ARHGAP24: variants seen among roughly 807,000 people sequenced by gnomAD.
The protein encoded by ARHGAP24 is rho GTPase-activating protein 24.
A neutral mutation model predicts 76.4 loss-of-function variants in ARHGAP24; 50 were observed. That is an observed-to-expected ratio of 0.65 (90% CI 0.52 to 0.83). The LOEUF (loss-of-function observed/expected upper bound fraction) is 0.83, where lower values mean the gene tolerates loss of function less well. Ranked by LOEUF, ARHGAP24 falls within the 40% of genes least tolerant of loss-of-function variation. ARHGAP24 has a pLI of 0.00. For missense variants in ARHGAP24, 930 were observed against 914.2 expected (o/e 1.02, Z -0.22); for synonymous variants, 345 against 323.3 (o/e 1.07, Z -0.72).
At chr4:85,575,852 T>G (rs1727348148) in intron 2 of ARHGAP24, among the ~76,000 whole-genome samples, 1 of 152,210 alleles carries the variant, frequency 6.6e-6, no homozygotes, top group African/African-American at 2.4e-5. Context: ...GACATACCCC[T>G]GTGCTAGAAT....
rs1740602143 is a variant in ARHGAP24 at position 85,995,421 on chromosome 4, G to A, written c.1767G>A (p.Glu589=). 4 of 1,612,414 alleles carry A rather than the reference G, an allele frequency of 2.5e-6. No homozygotes were observed. The highest frequency in any genetic ancestry group is 3.4e-6 in the Non-Finnish European group (4 of 1,178,684). Residue 589 remains glutamate, a synonymous_variant, in exon 9 of 10, where the codon GAG becomes GAA. Transcript: ENST00000395184. The part of the protein sequence containing the change: ...PEQDFFGGNF[E]DPVLDGPPQD... ...AAGACTTTTTTGGGGGGAACTTTGAGGACCCTGTTTTGGATGGGCCCCCGC... is the reference window on the plus strand; with the variant it reads ...AAGACTTTTTTGGGGGGAACTTTGAAGACCCTGTTTTGGATGGGCCCCCGC...
At chr4:85,651,795 TG>T (rs59242025) in intron 2 of ARHGAP24, among the ~76,000 whole-genome samples, 56,689 of 147,944 alleles carry the variant, frequency 0.38, 12,498 homozygotes, top group East Asian at 0.84. Flanking sequence ...ATTAAATTAA[TG>T]ATTTCCTCTT....
chr4:85,896,040 A>G (rs1734161330), intron 3 of ARHGAP24, among the ~76,000 whole-genome samples: 1 of 152,228 alleles, frequency 6.6e-6, no homozygotes, highest in East Asian at 1.9e-4. Flanking sequence ...AAGAATAATT[A>G]CTTTATTGAA....
Position 85,525,205 on chromosome 4 carries a change from T to C in ARHGAP24, c.-20-45317T>C, listed in dbSNP as rs141836930. ...CAAAAATTAATTGGACTTTTCTGTTTAGATGTGTTTTTGCTAATAGTTTCA... is the reference window on the plus strand; with the variant it reads ...CAAAAATTAATTGGACTTTTCTGTTCAGATGTGTTTTTGCTAATAGTTTCA... On this transcript the variant is annotated intron_variant, in intron 1 of 9. Coordinates refer to ENST00000395184, the MANE Select transcript of ARHGAP24 (RefSeq NM_001025616.3). Among the ~76,000 whole-genome samples the C allele has an allele frequency of 2.3e-3, 345 of 151,832 alleles. 5 individuals carry two copies. Among genetic ancestry groups the C allele is most frequent in the Non-Finnish European group, 3.2e-4 (22 of 67,966 alleles).
intron 3 of ARHGAP24, among the ~76,000 whole-genome samples, chr4:85,845,969 G>A (rs1486531815): frequency 6.6e-6 from 1 of 151,866 alleles, no homozygotes; most frequent in African/African-American, 2.4e-5. Flanking sequence ...GCAATGGCGC[G>A]ATCTCGGCTC....
chr4:85,632,495 AT>A, intron 2 of ARHGAP24, among the ~76,000 whole-genome samples: 1 of 151,774 alleles, frequency 6.6e-6, no homozygotes, highest in East Asian at 1.9e-4. Context: ...ATTTCATTGG[AT>A]TTTATATAAT....
intron 2 of ARHGAP24, among the ~76,000 whole-genome samples, chr4:85,709,736 G>A (rs1421861414): frequency 6.6e-6 from 1 of 152,078 alleles, no homozygotes. Context: ...ACCAACAACT[G>A]TCAAGACACA....
chr4:85,576,038 C>G (rs1349041215), intron 2 of ARHGAP24, among the ~76,000 whole-genome samples: 1 of 152,164 alleles, frequency 6.6e-6, no homozygotes. Context: ...TATATTAGAT[C>G]ACAATGGATT....
chr4:85,995,760 AG>A, intron 9 of ARHGAP24, 103 bp downstream of exon 9: 1 of 1,141,146 alleles, frequency 8.8e-7, no homozygotes, highest in South Asian at 1.3e-5. Flanking sequence ...CCAAAGTCAA[AG>A]AAACACAAGT....
intron 1 of ARHGAP24, among the ~76,000 whole-genome samples, chr4:85,486,371 GGTCC>G (rs1246098913): frequency 6.6e-6 from 1 of 152,000 alleles, no homozygotes; most frequent in Non-Finnish European, 1.5e-5. Context: ...TGTGTATGAT[GGTCC>G]GTCACTACAA....
chr4:85,962,873 A>T (rs758364453), intron 5 of ARHGAP24, among the ~76,000 whole-genome samples: 42 of 151,822 alleles, frequency 2.8e-4, no homozygotes, highest in Non-Finnish European at 5.2e-4. Context: ...ACAATTAAAA[A>T]TCAATGTAAT....
At chr4:85,901,214 TA>T (rs1453400717) in intron 3 of ARHGAP24, among the ~76,000 whole-genome samples, 2 of 152,134 alleles carry the variant, frequency 1.3e-5, no homozygotes, top group East Asian at 3.9e-4. Context: ...TAGAAAAAAA[TA>T]AGAAAAACAA....
At chr4:85,533,440 T>C (rs1432233964) in intron 1 of ARHGAP24, among the ~76,000 whole-genome samples, 1 of 152,200 alleles carries the variant, frequency 6.6e-6, no homozygotes, top group Non-Finnish European at 1.5e-5. Context: ...ATTGTCTTTA[T>C]AGTCTATTTT....
At chr4:85,638,655 T>G (rs1721411361) in intron 2 of ARHGAP24, among the ~76,000 whole-genome samples, 1 of 152,082 alleles carries the variant, frequency 6.6e-6, no homozygotes, top group African/African-American at 2.4e-5. Context: ...TTGGGCACCT[T>G]ATCAGGCTGG....
intron 2 of ARHGAP24, among the ~76,000 whole-genome samples, chr4:85,673,818 C>CT (rs397978442): frequency 2.4e-3 from 2 of 834 alleles, no homozygotes; most frequent in African/African-American, 0.016. Flanking sequence ...ACTGCCAGGG[C>CT]GTATTTTCAG....
intron 4 of ARHGAP24, among the ~76,000 whole-genome samples, chr4:85,926,125 A>G (rs893656989): frequency 6.6e-6 from 1 of 152,144 alleles, no homozygotes; most frequent in Non-Finnish European, 1.5e-5. Flanking sequence ...GAAATCTCAG[A>G]AATAATTCCA....
At chr4:85,850,101 T>TA (rs1249850663) in intron 3 of ARHGAP24, among the ~76,000 whole-genome samples, 4 of 152,234 alleles carry the variant, frequency 2.6e-5, no homozygotes, top group Admixed American at 2.6e-4. Flanking sequence ...GTTGGTAGGC[T>TA]ATTAATTATT....
intron 5 of ARHGAP24, among the ~76,000 whole-genome samples, chr4:85,955,291 C>A (rs1368021632): frequency 6.6e-6 from 1 of 151,946 alleles, no homozygotes; most frequent in African/African-American, 2.4e-5. Flanking sequence ...CAAATTCACC[C>A]AATTCCCCTT....
intron 9 of ARHGAP24, among the ~76,000 whole-genome samples, chr4:85,998,912 A>G (rs1740840670): frequency 6.6e-6 from 1 of 152,202 alleles, no homozygotes; most frequent in South Asian, 2.1e-4. Context: ...ATCCAAGACT[A>G]ATATCCTTCG....
Sources: allele counts gnomAD v4.1 joint callset (sites outside exome capture counted in the v4.1 genomes callset), GRCh38; gene constraint gnomAD v4.1.1; transcripts MANE v1.5; gene names NCBI Gene and HGNC (gene_info 2026-07-23, HGNC 2026-07-21).